Variants in FBN1 observed in about 807,000 individuals in gnomAD.
FBN1 encodes fibrillin-1.
FBN1 carries 29 observed loss-of-function variants against 365.1 expected under a neutral mutation model. The ratio of observed to expected loss-of-function variants is 0.08; its 90% CI spans 0.06 to 0.11. The LOEUF (loss-of-function observed/expected upper bound fraction) is 0.11, where lower values mean the gene tolerates loss of function less well. FBN1 is among the 10% of genes least tolerant of loss of function. FBN1 has a pLI of 1.00. For missense variants in FBN1, 2,476 were observed against 3,703.2 expected, an observed-to-expected ratio of 0.67 and a Z score of 8.60; for synonymous variants, 1,210 against 1,270.5, an observed-to-expected ratio of 0.95 and a Z score of 1.01.
chr15:48,611,549 C>T (rs1171761571), intron 3 of FBN1, among the ~76,000 whole-genome samples: 4 of 152,264 alleles, frequency 2.6e-5, no homozygotes, highest in African/African-American at 7.2e-5. Context: ...CGTAAACCAC[C>T]GCGTCCAGCC....
chr15:48,463,979 G>A lies in FBN1; in HGVS notation c.4985C>T (p.Thr1662Ile). ...CETPGICGPG[T>I]CYNTVGNYTC... ...GTAGTTGCCAACGGTGTTGTAACATGTCCCTGGACCACAGATTCCAGGAGT... is the reference window on the plus strand; with the variant it reads ...GTAGTTGCCAACGGTGTTGTAACATATCCCTGGACCACAGATTCCAGGAGT... Residue 1662 changes from threonine (T) to isoleucine (I), a missense_variant, in exon 41 of 66, where the codon ACA (threonine) becomes ATA (isoleucine). Coordinates refer to ENST00000316623, the MANE Select transcript of FBN1 (RefSeq NM_000138.5). 5 of 1,613,580 alleles carry A rather than the reference G, an allele frequency of 3.1e-6. No individual in the cohort carries two copies. Among genetic ancestry groups the A allele is most frequent in the Non-Finnish European group, 4.2e-6 (5 of 1,179,528 alleles).
chr15:48,504,541 T>G (rs1029061956), intron 16 of FBN1, among the ~76,000 whole-genome samples: 1 of 152,252 alleles, frequency 6.6e-6, no homozygotes, highest in African/African-American at 2.4e-5. Flanking sequence ...AGTACCTTTC[T>G]TAAAAATAAT....
chr15:48,413,820 A>G (rs2042881993), intron 64 of FBN1, among the ~76,000 whole-genome samples: 1 of 152,244 alleles, frequency 6.6e-6, no homozygotes, highest in Admixed American at 6.5e-5. Context: ...GATTCAAAAT[A>G]TGTTGCCAAT....
intron 32 of FBN1, among the ~76,000 whole-genome samples, 188 bp downstream of exon 32, chr15:48,481,467 G>A (rs1018319044): frequency 4.6e-5 from 7 of 152,050 alleles, no homozygotes; most frequent in Non-Finnish European, 1.0e-4. Flanking sequence ...AAAAAAACCT[G>A]CAACTTGGAT....
intron 56 of FBN1, 80 bp downstream of exon 56, chr15:48,430,591 C>T: frequency 1.3e-6 from 2 of 1,553,914 alleles, no homozygotes; most frequent in Non-Finnish European, 1.8e-6. Flanking sequence ...AACAGTATCC[C>T]AAGAACTCAG....
At chr15:48,428,548 G>A (rs2043000349) in intron 56 of FBN1, 77 bp from the exon 57 acceptor site, 12 of 1,521,134 alleles carry the variant, frequency 7.9e-6, no homozygotes, top group South Asian at 3.4e-5. Flanking sequence ...TCCTTCCTTC[G>A]TTCCTTCCTT....
rs192036022 is a variant in FBN1 at position 48,610,871 on chromosome 15, G to A, written c.248-45C>T. The A allele has an allele frequency of 2.0e-4, 298 of 1,521,422 alleles. 1 individual carries two copies. In the African/African-American group the frequency reaches 3.5e-3, roughly 18 times the overall value. 94.2% of individuals were successfully genotyped at this position (1,521,422 alleles called of 1,614,324 possible). A position where few individuals can be genotyped will look rare whatever the true frequency, so the allele number is the denominator to read the frequency against. ...CTGTTAGCACATGGATTTGGAACAC[G>A]ATTTGTTATAGGGGACCAATCCTCA... On this transcript the variant is annotated intron_variant, in intron 3 of 65. Transcript: ENST00000316623.
At chr15:48,492,102 A>G (rs112629100) in intron 24 of FBN1, among the ~76,000 whole-genome samples, 2,727 of 152,270 alleles carry the variant, frequency 0.018, 91 homozygotes, top group African/African-American at 0.063. Context: ...CTTCTGGCCA[A>G]TGTCAGGGTA....
At chr15:48,523,678 T>G (rs2043880230) in intron 9 of FBN1, among the ~76,000 whole-genome samples, 1 of 143,884 alleles carries the variant, frequency 7.0e-6, no homozygotes, top group African/African-American at 2.7e-5. Flanking sequence ...GTTTTTCACT[T>G]CGTTAGGCAG....
At chr15:48,582,964 G>C (rs1193876501) in intron 6 of FBN1, among the ~76,000 whole-genome samples, 1 of 152,176 alleles carries the variant, frequency 6.6e-6, no homozygotes, top group Non-Finnish European at 1.5e-5. Flanking sequence ...TGGTCAGCCG[G>C]AGCCATCAAA....
At chr15:48,517,046 T>A (rs1165501558) in intron 10 of FBN1, among the ~76,000 whole-genome samples, 2 of 152,178 alleles carry the variant, frequency 1.3e-5, no homozygotes, top group African/African-American at 4.8e-5. Flanking sequence ...CAAGAATGAC[T>A]CCTAGTTTTC....
intron 63 of FBN1, among the ~76,000 whole-genome samples, chr15:48,420,279 C>G: frequency 6.6e-6 from 1 of 152,176 alleles, no homozygotes; most frequent in Non-Finnish European, 1.5e-5. Flanking sequence ...ATGTGTAGAG[C>G]TGAACAGAAC....
At chr15:48,503,222 G>A (rs186262182) in intron 17 of FBN1, among the ~76,000 whole-genome samples, 98 of 151,054 alleles carry the variant, frequency 6.5e-4, no homozygotes, top group African/African-American at 2.0e-3. Flanking sequence ...ACTTGAACCC[G>A]GGAGGCGGAG....
intron 2 of FBN1, among the ~76,000 whole-genome samples, chr15:48,618,566 C>A (rs933252669): frequency 2.6e-5 from 4 of 152,148 alleles, no homozygotes; most frequent in Non-Finnish European, 1.5e-5. Context: ...AAACTTCAAA[C>A]CCTGGTAATG....
intron 41 of FBN1, 69 bp downstream of exon 41, chr15:48,463,830 A>G (rs1566903466): frequency 6.6e-7 from 1 of 1,518,154 alleles, no homozygotes; most frequent in East Asian, 2.4e-5. Flanking sequence ...AAGGTGATGA[A>G]CTTGTGAGCT....
intron 53 of FBN1, among the ~76,000 whole-genome samples, chr15:48,435,778 G>GTATATATATGCATA (rs1299471206): frequency 7.1e-6 from 1 of 141,322 alleles, no homozygotes; most frequent in African/African-American, 2.7e-5. Flanking sequence ...GTATATGTGT[G>GTATATATATGCATA]TGTGTGTGTG....
At chr15:48,425,629 T>G in intron 59 of FBN1, 110 bp downstream of exon 59, 1 of 1,538,040 alleles carries the variant, frequency 6.5e-7, no homozygotes, top group East Asian at 2.3e-5. Flanking sequence ...GATTGTCCTG[T>G]GCTTTCCTAT....
chr15:48,571,124 G>T (rs1035498875), intron 6 of FBN1, among the ~76,000 whole-genome samples: 4 of 152,196 alleles, frequency 2.6e-5, no homozygotes, highest in African/African-American at 9.6e-5. Flanking sequence ...GTCAGCATGG[G>T]TATGAGAAGT....
At chr15:48,568,571 T>G (rs1221175336) in intron 6 of FBN1, among the ~76,000 whole-genome samples, 1 of 151,972 alleles carries the variant, frequency 6.6e-6, no homozygotes, top group Non-Finnish European at 1.5e-5. Context: ...AGAAGAAGAA[T>G]AAAGTTGGAG....
Sources: allele counts gnomAD v4.1 joint callset (sites outside exome capture counted in the v4.1 genomes callset), GRCh38; gene constraint gnomAD v4.1.1; transcripts MANE v1.5; gene names NCBI Gene and HGNC (gene_info 2026-07-23, HGNC 2026-07-21).